Variants in LINC01488 observed in about 807,000 individuals in gnomAD.
The protein encoded by LINC01488 is CCND1-upstream intergenic DNA repair 1.
chr11:69,482,569 G>A (rs1857059361), intron 1 of LINC01488, among the ~76,000 whole-genome samples: 1 of 151,696 alleles, frequency 6.6e-6, no homozygotes, highest in Non-Finnish European at 1.5e-5. Flanking sequence ...GTGGATGGAT[G>A]AGTAGGTGGA....
At chr11:69,486,954 C>T (rs1016200211) in intron 1 of LINC01488, among the ~76,000 whole-genome samples, 1 of 152,200 alleles carries the variant, frequency 6.6e-6, no homozygotes, top group Non-Finnish European at 1.5e-5. Context: ...CAGAGCTGCA[C>T]GGCCTCCTCT....
chr11:69,485,307 G>A (rs1122316), intron 1 of LINC01488, among the ~76,000 whole-genome samples: 39,900 of 152,104 alleles, frequency 0.26, 6,601 homozygotes, highest in East Asian at 0.8. Flanking sequence ...CCTCTCAGTC[G>A]AGGTCAGCTG....
intron 3 of LINC01488, chr11:69,491,492 T>G (rs1265225572): frequency 2.6e-5 from 4 of 152,260 alleles, no homozygotes; most frequent in African/African-American, 4.8e-5. Context: ...GGTAATGGAG[T>G]TAGCCTATGG....
At chr11:69,488,460 C>T (rs1590870953) in intron 1 of LINC01488, among the ~76,000 whole-genome samples, 1 of 152,364 alleles carries the variant, frequency 6.6e-6, no homozygotes, top group East Asian at 1.9e-4. Context: ...CCTCCCGCCA[C>T]CCCAGCTGCT....
chr11:69,482,804 G>A (rs77556023), intron 1 of LINC01488, among the ~76,000 whole-genome samples: 1 of 152,174 alleles, frequency 6.6e-6, no homozygotes, highest in Non-Finnish European at 1.5e-5. Context: ...ATCAAGGTGT[G>A]GCAGGGCTGG....
At chr11:69,481,710 A>G (rs1262175448) in exon 1 of LINC01488, 1 of 152,350 alleles carries the variant, frequency 6.6e-6, no homozygotes, top group Non-Finnish European at 1.5e-5. Flanking sequence ...TGGCTCACAG[A>G]GAGGACACCT....
intron 1 of LINC01488, among the ~76,000 whole-genome samples, chr11:69,487,393 G>T (rs1270154790): frequency 1.3e-5 from 2 of 152,220 alleles, no homozygotes; most frequent in Admixed American, 6.5e-5. Flanking sequence ...AATCCTGTCT[G>T]CCATGACGCT....
rs533625896 is a variant in LINC01488 at position 69,490,123 on chromosome 11, C to T, written n.123-372C>T. Among the ~76,000 whole-genome samples the T allele has an allele frequency of 6.6e-5, 10 of 152,360 alleles. No individual in the cohort carries two copies. The East Asian group carries it at 1.9e-3, about 29-fold the overall frequency. On this transcript the variant is annotated intron_variant and non_coding_transcript_variant, in intron 1 of 3. Transcript: ENST00000644563. ...CAAGGAGAAGTGCCCCAGCCCCTCA[C>T]ACATGCTCCTTGGAGATTTGGTCCA...
chr11:69,489,871 A>G (rs1857191126), intron 1 of LINC01488, among the ~76,000 whole-genome samples: 1 of 152,142 alleles, frequency 6.6e-6, no homozygotes, highest in Non-Finnish European at 1.5e-5. Flanking sequence ...CGACACTCTC[A>G]GCGGGTGAGG....
chr11:69,488,769 G>A (rs2134972957), intron 1 of LINC01488, among the ~76,000 whole-genome samples: 1 of 152,340 alleles, frequency 6.6e-6, no homozygotes, highest in South Asian at 2.1e-4. Flanking sequence ...TCACCAGCAT[G>A]GCACGGGGCC....
chr11:69,487,722 G>C (rs757042667), intron 1 of LINC01488, among the ~76,000 whole-genome samples: 1 of 152,126 alleles, frequency 6.6e-6, no homozygotes, highest in African/African-American at 2.4e-5. Context: ...GGAGGCCCCC[G>C]AGACACTCCT....
intron 1 of LINC01488, among the ~76,000 whole-genome samples, chr11:69,482,706 T>C (rs1283609086): frequency 2.0e-5 from 3 of 152,216 alleles, no homozygotes; most frequent in East Asian, 1.9e-4. Flanking sequence ...TTGATTTATA[T>C]AGTTTGTCAT....
chr11:69,487,092 G>A (rs1016085322), intron 1 of LINC01488, among the ~76,000 whole-genome samples: 3 of 152,248 alleles, frequency 2.0e-5, no homozygotes, highest in Admixed American at 2.0e-4. Context: ...GGCCTGGGGC[G>A]GCTGCCGCCT....
At chr11:69,482,062 C>CT (rs1857052745) in intron 1 of LINC01488, among the ~76,000 whole-genome samples, 1 of 151,324 alleles carries the variant, frequency 6.6e-6, no homozygotes, top group African/African-American at 2.4e-5. Flanking sequence ...TCTCATGCTG[C>CT]TAACAAAGAC....
At chr11:69,490,075 C>T (rs547333233) in intron 1 of LINC01488, among the ~76,000 whole-genome samples, 1 of 152,156 alleles carries the variant, frequency 6.6e-6, no homozygotes, top group Non-Finnish European at 1.5e-5. Context: ...TTGGAGGAGC[C>T]CTTGGTCCCT....
chr11:69,490,066 T>C (rs1297685275), intron 1 of LINC01488, among the ~76,000 whole-genome samples: 1 of 152,186 alleles, frequency 6.6e-6, no homozygotes, highest in Non-Finnish European at 1.5e-5. Context: ...GGAGTTTTGT[T>C]GGAGGAGCCC....
At chr11:69,486,420 G>A (rs1471156533) in intron 1 of LINC01488, among the ~76,000 whole-genome samples, 1 of 152,212 alleles carries the variant, frequency 6.6e-6, no homozygotes, top group Admixed American at 6.5e-5. Flanking sequence ...GGGGCCTCCA[G>A]GTTCATCTCC....
intron 1 of LINC01488, among the ~76,000 whole-genome samples, chr11:69,482,593 G>A (rs930261855): frequency 6.6e-6 from 1 of 151,924 alleles, no homozygotes; most frequent in South Asian, 2.1e-4. Flanking sequence ...ATGAGTAGGT[G>A]GATGAATGGA....
intron 1 of LINC01488, among the ~76,000 whole-genome samples, chr11:69,487,021 C>T (rs1189390091): frequency 6.6e-6 from 1 of 152,254 alleles, no homozygotes; most frequent in Non-Finnish European, 1.5e-5. Flanking sequence ...ACTCTGCCGC[C>T]TCTGCATTCC....
Sources: allele counts gnomAD v4.1 joint callset (sites outside exome capture counted in the v4.1 genomes callset), GRCh38; gene constraint gnomAD v4.1.1; transcripts MANE v1.5; gene names NCBI Gene and HGNC (gene_info 2026-07-23, HGNC 2026-07-21).